The following DAB1 variants were observed in gnomAD, a reference collection of about 807,000 sequenced individuals.
The protein encoded by DAB1 is disabled homolog 1.
A neutral mutation model predicts 64.6 loss-of-function variants in DAB1; 15 were observed. That is an observed-to-expected ratio of 0.23 (90% CI 0.16 to 0.36). The LOEUF is 0.36. Among genes scored for constraint, DAB1 ranks in the 10% least tolerant of loss-of-function variants. DAB1 has a pLI of 1.00. For missense variants in DAB1, 596 were observed against 706.7 expected, an observed-to-expected ratio of 0.84 and a Z score of 1.78; for synonymous variants, 235 against 251.9, an observed-to-expected ratio of 0.93 and a Z score of 0.64.
At chr1:58,294,444 A>T (rs932551953) in intron 4 of DAB1, among the ~76,000 whole-genome samples, 25 of 150,788 alleles carry the variant, frequency 1.7e-4, no homozygotes, top group Admixed American at 5.9e-4. Flanking sequence ...GACAATTAAT[A>T]AAAAAAAAGA....
At chr1:57,907,613 G>A (rs1644572755) in intron 5 of DAB1, among the ~76,000 whole-genome samples, 1 of 152,106 alleles carries the variant, frequency 6.6e-6, no homozygotes, top group South Asian at 2.1e-4. Context: ...GTAGTGATGA[G>A]AAATCTGAAG....
intron 5 of DAB1, among the ~76,000 whole-genome samples, chr1:57,972,460 C>G (rs949839558): frequency 3.3e-5 from 5 of 152,112 alleles, no homozygotes; most frequent in Non-Finnish European, 7.4e-5. Context: ...CCAGGCTGGT[C>G]TCGAACTCCT....
intron 7 of DAB1, among the ~76,000 whole-genome samples, chr1:57,516,047 C>T (rs992177071): frequency 2.0e-5 from 3 of 152,208 alleles, no homozygotes; most frequent in Non-Finnish European, 2.9e-5. Context: ...CTCTTTCTTC[C>T]TCCAAAAAGG....
At chr1:58,365,907 A>G (rs996002272) in intron 3 of DAB1, among the ~76,000 whole-genome samples, 3 of 152,170 alleles carry the variant, frequency 2.0e-5, no homozygotes, top group African/African-American at 7.2e-5. Context: ...GAGTGGTCCA[A>G]GAAAGGAGGA....
chr1:57,809,006 T>G (rs1470330077), intron 6 of DAB1, among the ~76,000 whole-genome samples: 1 of 152,184 alleles, frequency 6.6e-6, no homozygotes, highest in East Asian at 1.9e-4. Flanking sequence ...GGGGGCTAAA[T>G]AGAATCACAG....
intron 1 of DAB1, among the ~76,000 whole-genome samples, chr1:58,545,575 G>A (rs1251298054): frequency 6.6e-6 from 1 of 152,134 alleles, no homozygotes; most frequent in Non-Finnish European, 1.5e-5. Flanking sequence ...AACATAGCTG[G>A]CAGACTTCTA....
chr1:58,251,382 C>T (rs1245800877), intron 4 of DAB1, among the ~76,000 whole-genome samples: 1 of 152,074 alleles, frequency 6.6e-6, no homozygotes, highest in Non-Finnish European at 1.5e-5. Context: ...AGTAAATCAG[C>T]AAGAAACTAT....
chr1:58,378,399 G>C (rs1644350649), intron 3 of DAB1, among the ~76,000 whole-genome samples: 1 of 30,522 alleles, frequency 3.3e-5, no homozygotes, highest in African/African-American at 1.9e-4. Flanking sequence ...CCTTCTAACA[G>C]ACAGGACCCT....
At chr1:58,174,053 C>T (rs1366784386) in intron 4 of DAB1, among the ~76,000 whole-genome samples, 1 of 152,202 alleles carries the variant, frequency 6.6e-6, no homozygotes, top group Non-Finnish European at 1.5e-5. Flanking sequence ...CCCAAATAGA[C>T]TCTTTGGCAG....
At chr1:58,022,386 G>C (rs1646827343) in intron 5 of DAB1, among the ~76,000 whole-genome samples, 1 of 152,198 alleles carries the variant, frequency 6.6e-6, no homozygotes, top group Non-Finnish European at 1.5e-5. Flanking sequence ...GTTCAAATCT[G>C]ATCATTGGTC....
intron 6 of DAB1, among the ~76,000 whole-genome samples, chr1:57,776,510 T>C (rs1048829457): frequency 6.6e-6 from 1 of 151,836 alleles, no homozygotes; most frequent in East Asian, 1.9e-4. Flanking sequence ...TTTTTTATTC[T>C]ATTTTCTATC....
At chr1:57,325,059 G>A (rs1676043297) in intron 1 of DAB1, among the ~76,000 whole-genome samples, 1 of 152,206 alleles carries the variant, frequency 6.6e-6, no homozygotes, top group Non-Finnish European at 1.5e-5. Flanking sequence ...TGTAGATGCT[G>A]GAGCCTGCCC....
chr1:56,995,936 C>T lies in DAB1; in HGVS notation c.*2208G>A, dbSNP rs1267057770. 2 of 152,164 alleles carry T rather than the reference C, an allele frequency of 1.3e-5. No individual in the cohort carries two copies. Among genetic ancestry groups the T allele is most frequent in the Non-Finnish European group, 2.9e-5 (2 of 68,042 alleles). 9.4% of individuals were successfully genotyped at this position (152,164 alleles called of 1,614,324 possible). The stretch of plus-strand genomic sequence containing the variant: ...AACTCTGTGGACCAACAGGTGATAG[C>T]TACAGAGGGAGGTAAACGGCCCTTC... On this transcript the variant is annotated 3_prime_UTR_variant, in exon 15 of 15. Transcript: ENST00000371236.
intron 1 of DAB1, among the ~76,000 whole-genome samples, chr1:57,321,138 C>T (rs1329215421): frequency 3.3e-5 from 5 of 152,180 alleles, no homozygotes; most frequent in Admixed American, 6.5e-5. Context: ...CAGGCAGAGG[C>T]TCTCCCTTTG....
At chr1:57,360,867 A>AT (rs999903477) in intron 1 of DAB1, among the ~76,000 whole-genome samples, 21 of 152,060 alleles carry the variant, frequency 1.4e-4, no homozygotes, top group South Asian at 2.1e-4. Flanking sequence ...AACAAGTCTC[A>AT]TTTTTTCTGG....
chr1:58,536,788 A>T (rs7548097), intron 1 of DAB1: 78,829 of 833,824 alleles, frequency 0.095, 4,395 homozygotes, highest in African/African-American at 0.18. Context: ...ATTCCAGCAC[A>T]TATCACTAAA....
chr1:58,319,456 G>A (rs1471319332), intron 4 of DAB1, among the ~76,000 whole-genome samples: 2 of 152,192 alleles, frequency 1.3e-5, no homozygotes, highest in Non-Finnish European at 2.9e-5. Flanking sequence ...AGACAGAAAA[G>A]TGACAGGGAC....
At chr1:58,130,708 C>G (rs1295048610) in intron 5 of DAB1, among the ~76,000 whole-genome samples, 1 of 151,552 alleles carries the variant, frequency 6.6e-6, no homozygotes, top group African/African-American at 2.4e-5. Flanking sequence ...ATTTCTCCTT[C>G]ACTTATGAAG....
intron 6 of DAB1, among the ~76,000 whole-genome samples, chr1:57,753,810 G>T (rs1356791488): frequency 6.6e-6 from 1 of 152,216 alleles, no homozygotes; most frequent in East Asian, 1.9e-4. Context: ...AGGCATGTTT[G>T]TAAATGGCAG....
Sources: allele counts gnomAD v4.1 joint callset (sites outside exome capture counted in the v4.1 genomes callset), GRCh38; gene constraint gnomAD v4.1.1; transcripts MANE v1.5; gene names NCBI Gene and HGNC (gene_info 2026-07-23, HGNC 2026-07-21).